FOXK1: variants seen among roughly 807,000 people sequenced by gnomAD.
The protein encoded by FOXK1 is forkhead box K1.
Under a neutral mutation model 51.9 loss-of-function variants are expected in FOXK1, and 19 were observed. That is an observed-to-expected ratio of 0.37 (90% CI 0.26 to 0.54). FOXK1 has a LOEUF of 0.54. Among genes scored for constraint, FOXK1 ranks in the 20% least tolerant of loss-of-function variants. FOXK1 has a pLI of 0.87. For synonymous variants in FOXK1, 537 were observed against 482.6 expected, an observed-to-expected ratio of 1.11 and a Z score of -1.48; for missense variants, 870 against 1,032.7, an observed-to-expected ratio of 0.84 and a Z score of 2.16.
At chr7:4,691,859 A>G (rs1779895726) in intron 1 of FOXK1, among the ~76,000 whole-genome samples, 1 of 152,106 alleles carries the variant, frequency 6.6e-6, no homozygotes, top group East Asian at 1.9e-4. Flanking sequence ...CTGTCCTCTA[A>G]CCTGTTCCCC....
At chr7:4,690,374 A>T (rs763346679) in intron 1 of FOXK1, among the ~76,000 whole-genome samples, 23 of 152,228 alleles carry the variant, frequency 1.5e-4, no homozygotes, top group Non-Finnish European at 2.5e-4. Context: ...CTTTATTCTT[A>T]GTGTTTTGCT....
chr7:4,704,994 G>A (rs1409790679), intron 1 of FOXK1, among the ~76,000 whole-genome samples: 2 of 148,682 alleles, frequency 1.3e-5, no homozygotes, highest in Non-Finnish European at 3.0e-5. Context: ...ACCACGCCCG[G>A]CTAACTTTTG....
chr7:4,758,831 C>T lies in FOXK1; in HGVS notation c.1245-220C>T. ...AGCACCTCACATGATACCGTCCCCT[C>T]TCATGGAACGGAGCCTCCCCCATGC... On this transcript the variant is annotated intron_variant, in intron 5 of 8. Transcript: ENST00000328914. The surrounding 1 kb of genome is among the most constrained non-coding windows in gnomAD (Gnocchi z 4.4). 1.7e-6 allele frequency: 1 copy of T among 580,412 alleles called. No homozygotes were observed. The allele number at this position is 580,412 out of a possible 1,614,324, so 36.0% of individuals were successfully genotyped here.
chr7:4,718,915 T>C (rs868248107), intron 1 of FOXK1, among the ~76,000 whole-genome samples: 15 of 152,170 alleles, frequency 9.9e-5, no homozygotes, highest in Middle Eastern at 3.2e-3. Flanking sequence ...GTTCAAGCGA[T>C]TCTCCTGCCC....
chr7:4,695,936 CA>C (rs72005510), intron 1 of FOXK1, among the ~76,000 whole-genome samples: 3,345 of 116,780 alleles, frequency 0.029, 48 homozygotes, highest in Non-Finnish European at 0.036. Flanking sequence ...AACTCCGTCT[CA>C]AAAAAAAAAA....
In FOXK1 at chr7:4,747,949, G is replaced by A. The variant is rs567879389; in HGVS notation, c.747-6510G>A. On this transcript the variant is annotated intron_variant, in intron 2 of 8. Transcript: ENST00000328914. The surrounding 1 kb of genome is among the most constrained non-coding windows in gnomAD (Gnocchi z 9.2). Reference sequence around the variant, plus strand: ...CAGCCTCGACCTCCGGGACTCAAGCGATCCTCCCACCTCAGCCGTGACTAC... The same window carrying A: ...CAGCCTCGACCTCCGGGACTCAAGCAATCCTCCCACCTCAGCCGTGACTAC... Among the ~76,000 whole-genome samples, 122 of 152,244 alleles carry A rather than the reference G, an allele frequency of 8.0e-4. 1 individual carries two copies. Among genetic ancestry groups the A allele is most frequent in the East Asian group, 4.8e-3 (25 of 5,182 alleles).
In FOXK1 at chr7:4,761,382, ATCC is replaced by A. The variant is rs1291012165; in HGVS notation, c.1921+98_1921+100del. On this transcript the variant is annotated intron_variant, in intron 8 of 8. Coordinates refer to ENST00000328914, the MANE Select transcript of FOXK1 (RefSeq NM_001037165.2). The surrounding 1 kb of genome is among the most constrained non-coding windows in gnomAD (Gnocchi z 6.2). ...GAGAATGTTCTCCCAGTATCTCCCG[ATCC>A]TCCACTCAGTTCAATTTATTGAGCA... The A allele has an allele frequency of 2.0e-5, 24 of 1,229,024 alleles. No homozygotes were observed. The highest frequency in any genetic ancestry group is 2.3e-5 in the Non-Finnish European group (20 of 874,948). 76.1% of individuals were successfully genotyped at this position (1,229,024 alleles called of 1,614,324 possible). A position where few individuals can be genotyped will look rare whatever the true frequency, so the allele number is the denominator to read the frequency against.
intron 1 of FOXK1, among the ~76,000 whole-genome samples, chr7:4,692,348 G>A (rs989775349): frequency 2.0e-5 from 3 of 152,112 alleles, no homozygotes; most frequent in Admixed American, 6.6e-5. Context: ...CAGATATTGT[G>A]GATGTTCCTT....
intron 1 of FOXK1, among the ~76,000 whole-genome samples, chr7:4,688,435 C>G (rs759518628): frequency 4.6e-5 from 7 of 151,528 alleles, no homozygotes; most frequent in Non-Finnish European, 7.4e-5. Flanking sequence ...GAGTCTCGCT[C>G]TGTCGCCCAG....
intron 1 of FOXK1, among the ~76,000 whole-genome samples, chr7:4,736,676 A>C (rs536347879): frequency 5.3e-5 from 8 of 152,266 alleles, no homozygotes; most frequent in African/African-American, 1.9e-4. Flanking sequence ...GGCCACTCAG[A>C]GTGCTCGGAT....
rs1780471772 is a variant in FOXK1 at position 4,731,192 on chromosome 7, T to TGA, written c.561-9644_561-9643dup. 6.6e-6 allele frequency among the ~76,000 whole-genome samples: 1 copy of TGA among 152,126 alleles called. No homozygotes were observed. Among genetic ancestry groups the TGA allele is most frequent in the Non-Finnish European group, 1.5e-5 (1 of 68,012 alleles). On this transcript the variant is annotated intron_variant, in intron 1 of 8. Coordinates refer to ENST00000328914, the MANE Select transcript of FOXK1 (RefSeq NM_001037165.2). The surrounding 1 kb of genome is among the most constrained non-coding windows in gnomAD (Gnocchi z 5.3). ...GGTGAGGGGCCTCCGAGGTGGTGGG[T>TGA]GAGCATCCCTGCAAGTCAAGCTCTG...
Position 4,762,115 on chromosome 7 carries a change from A to G in FOXK1, c.1922-69A>G. On this transcript the variant is annotated intron_variant, in intron 8 of 8. Coordinates refer to ENST00000328914, the MANE Select transcript of FOXK1 (RefSeq NM_001037165.2). This position sits in a 1 kb window ranked among gnomAD's most constrained non-coding sequence, Gnocchi z 5.7. ...CGGCTTGGTGGCTTAGCCCCTGTAT[A>G]GGGGACTTGAAAAAAGCAGCTGGGT... 2 of 1,493,004 alleles carry G rather than the reference A, an allele frequency of 1.3e-6. No homozygotes were observed. The highest frequency in any genetic ancestry group is 2.1e-5 in the Admixed American group (1 of 47,702). 92.5% of individuals were successfully genotyped at this position (1,493,004 alleles called of 1,614,324 possible).
intron 1 of FOXK1, among the ~76,000 whole-genome samples, chr7:4,692,115 A>C (rs79455785): frequency 0.051 from 7,813 of 152,246 alleles, 278 homozygotes; most frequent in African/African-American, 0.11. Context: ...CTCTATTTCA[A>C]AAATATTTTT....
intron 1 of FOXK1, among the ~76,000 whole-genome samples, chr7:4,725,434 G>T (rs1388479541): frequency 6.6e-6 from 1 of 152,210 alleles, no homozygotes; most frequent in Non-Finnish European, 1.5e-5. Context: ...CTTAGTTGTT[G>T]TCTCAGGAGC....
chr7:4,684,843 T>G (rs1286364588), intron 1 of FOXK1, among the ~76,000 whole-genome samples: 1 of 152,134 alleles, frequency 6.6e-6, no homozygotes, highest in Non-Finnish European at 1.5e-5. Flanking sequence ...TTTTTTTTTG[T>G]AATTCAAGGG....
At chr7:4,737,573 T>TGTGTGTGTGC (rs896937410) in intron 1 of FOXK1, among the ~76,000 whole-genome samples, 1 of 151,824 alleles carries the variant, frequency 6.6e-6, no homozygotes, top group African/African-American at 2.4e-5. Context: ...TGTGTGTGTG[T>TGTGTGTGTGC]GCATGCATGT....
intron 2 of FOXK1, among the ~76,000 whole-genome samples, chr7:4,742,272 G>A (rs1780644035): frequency 6.6e-6 from 1 of 152,240 alleles, no homozygotes; most frequent in Non-Finnish European, 1.5e-5. Flanking sequence ...CTCTGGGCAT[G>A]CTGATCTGTT....
chr7:4,708,534 A>T (rs1240858089), intron 1 of FOXK1, among the ~76,000 whole-genome samples: 1 of 152,256 alleles, frequency 6.6e-6, no homozygotes. Flanking sequence ...ATGGCAGAAC[A>T]AGAACTAAAG....
chr7:4,737,845 G>A (rs1163827767), intron 1 of FOXK1, among the ~76,000 whole-genome samples: 1 of 152,170 alleles, frequency 6.6e-6, no homozygotes, highest in African/African-American at 2.4e-5. Flanking sequence ...ATGCAAGGCC[G>A]GGTGTGGTGG....
Sources: gnomAD v4.1 joint callset for allele counts (sites outside exome capture counted in the v4.1 genomes callset) on GRCh38, gnomAD v4.1.1 for gene constraint, Gnocchi (gnomAD v3.1) non-coding constraint, MANE v1.5 for transcripts, NCBI Gene and HGNC (gene_info 2026-07-23, HGNC 2026-07-21) for gene names.